The following SLC4A10 variants were observed in gnomAD, a reference collection of about 807,000 sequenced individuals.
The protein encoded by SLC4A10 is sodium-driven chloride bicarbonate exchanger.
Under a neutral mutation model 137.7 loss-of-function variants are expected in SLC4A10, and 42 were observed. The ratio of observed to expected loss-of-function variants is 0.30; its 90% CI spans 0.24 to 0.39. SLC4A10 has a LOEUF of 0.39. Among genes scored for constraint, SLC4A10 ranks in the 10% least tolerant of loss-of-function variants. The pLI, the probability that SLC4A10 is intolerant of heterozygous loss-of-function variation, is 1.00. For synonymous variants in SLC4A10, 474 were observed against 464.1 expected, an observed-to-expected ratio of 1.02 and a Z score of -0.27; for missense variants, 925 against 1,355.0, an observed-to-expected ratio of 0.68 and a Z score of 4.98.
chr2:161,809,056 C>T (rs1215524242), intron 3 of SLC4A10, among the ~76,000 whole-genome samples: 1 of 152,186 alleles, frequency 6.6e-6, no homozygotes, highest in South Asian at 2.1e-4. Flanking sequence ...TCCGTTTTCT[C>T]TGCAGCCTTG....
intron 21 of SLC4A10, among the ~76,000 whole-genome samples, chr2:161,963,676 A>G (rs1416371196): frequency 1.3e-5 from 2 of 152,162 alleles, no homozygotes; most frequent in African/African-American, 4.8e-5. Context: ...AGGTCCGTGA[A>G]TCATTAGCAA....
At chr2:161,628,405 A>C (rs977506082) in intron 1 of SLC4A10, among the ~76,000 whole-genome samples, 1 of 152,042 alleles carries the variant, frequency 6.6e-6, no homozygotes, top group Non-Finnish European at 1.5e-5. Context: ...ATGATATAGG[A>C]TAGATGATTG....
At chr2:161,973,094 G>A (rs1023021563) in intron 23 of SLC4A10, among the ~76,000 whole-genome samples, 1 of 152,156 alleles carries the variant, frequency 6.6e-6, no homozygotes, top group Non-Finnish European at 1.5e-5. Flanking sequence ...GGCCAGCTTA[G>A]CCCTGCTAAG....
chr2:161,766,009 T>C (rs1416612957), intron 1 of SLC4A10, among the ~76,000 whole-genome samples: 4 of 152,152 alleles, frequency 2.6e-5, no homozygotes, highest in South Asian at 2.1e-4. Flanking sequence ...TTAGTACATG[T>C]ATTAGTATTA....
At chr2:161,741,286 C>T (rs945348306) in intron 1 of SLC4A10, among the ~76,000 whole-genome samples, 20 of 148,168 alleles carry the variant, frequency 1.3e-4, no homozygotes, top group Non-Finnish European at 2.5e-4. Context: ...AGCACCTATC[C>T]ACTACAGTCC....
At chr2:161,853,014 G>A (rs1285544106) in intron 4 of SLC4A10, among the ~76,000 whole-genome samples, 1 of 152,104 alleles carries the variant, frequency 6.6e-6, no homozygotes, top group African/African-American at 2.4e-5. Flanking sequence ...TCTGCCAAGA[G>A]GTTGTTCCTT....
chr2:161,862,144 A>G (rs1024368079), intron 5 of SLC4A10, among the ~76,000 whole-genome samples: 1 of 152,238 alleles, frequency 6.6e-6, no homozygotes, highest in African/African-American at 2.4e-5. Flanking sequence ...TGTATGGTAA[A>G]TAATCTGCTT....
At chr2:161,793,852 T>G (rs1024144288) in intron 2 of SLC4A10, among the ~76,000 whole-genome samples, 1 of 152,172 alleles carries the variant, frequency 6.6e-6, no homozygotes, top group African/African-American at 2.4e-5. Flanking sequence ...TTTCTAATTT[T>G]GAGCTAAATT....
chr2:161,953,487 A>G (rs1206981344), intron 19 of SLC4A10, among the ~76,000 whole-genome samples: 2 of 152,058 alleles, frequency 1.3e-5, no homozygotes, highest in African/African-American at 4.8e-5. Context: ...GGGCACCTGT[A>G]ATCCCAGCTA....
intron 26 of SLC4A10, among the ~76,000 whole-genome samples, chr2:161,980,420 G>A (rs1044564314): frequency 6.6e-6 from 1 of 152,140 alleles, no homozygotes; most frequent in Non-Finnish European, 1.5e-5. Flanking sequence ...AGGCCGAGGC[G>A]AGCAGATCAC....
At chr2:161,807,405 C>T (rs74715808) in intron 3 of SLC4A10, among the ~76,000 whole-genome samples, 3,642 of 152,184 alleles carry the variant, frequency 0.024, 59 homozygotes, top group Middle Eastern at 0.031. Flanking sequence ...GTTCCTTGAC[C>T]ATCCCATCTC....
At chr2:161,725,675 T>G (rs1235312223) in intron 1 of SLC4A10, among the ~76,000 whole-genome samples, 2 of 152,206 alleles carry the variant, frequency 1.3e-5, no homozygotes, top group African/African-American at 4.8e-5. Flanking sequence ...TCATTTGAGA[T>G]GTCTAAAGAA....
intron 16 of SLC4A10, among the ~76,000 whole-genome samples, chr2:161,943,327 C>G (rs1189515300): frequency 6.6e-6 from 1 of 152,142 alleles, no homozygotes; most frequent in South Asian, 2.1e-4. Context: ...ATACTAAAGT[C>G]TTTGGGAGGA....
At chr2:161,867,408 A>C (rs1266445208) in intron 6 of SLC4A10, among the ~76,000 whole-genome samples, 1 of 152,026 alleles carries the variant, frequency 6.6e-6, no homozygotes, top group African/African-American at 2.4e-5. Context: ...TAGAATAATA[A>C]TTCTTGAGAT....
At chr2:161,928,294 T>G (rs1311789974) in intron 15 of SLC4A10, among the ~76,000 whole-genome samples, 1 of 146,176 alleles carries the variant, frequency 6.8e-6, no homozygotes, top group Non-Finnish European at 1.5e-5. Context: ...ACACGGCATA[T>G]TCTCACTCAT....
chr2:161,905,695 C>G lies in SLC4A10; in HGVS notation c.1805C>G (p.Ala602Gly). The G allele has an allele frequency of 6.2e-7, 1 of 1,613,880 alleles. No homozygotes were observed. The highest frequency in any genetic ancestry group is 8.5e-7 in the Non-Finnish European group (1 of 1,179,850). Residue 602 changes from alanine (A) to glycine (G), a missense_variant, in exon 15 of 27, where the codon GCA (alanine) becomes GGA (glycine). By Grantham distance (60) the Ala-to-Gly change is moderately conservative (BLOSUM62 0). Around this residue, in one of 11 missense-constraint regions of SLC4A10, gnomAD observed 61 missense variants for 168.0 expected, o/e 0.36. Coordinates refer to ENST00000446997, the MANE Select transcript of SLC4A10 (RefSeq NM_001178015.2). ...SLRASIGLWT[A>G]TLCIILVATD... The stretch of plus-strand genomic sequence containing the variant: ...AGAGCTAGCATTGGACTTTGGACTG[C>G]AACTCTATGTATCATACTTGTGGCC...
chr2:161,948,302 T>C (rs1694191082), intron 17 of SLC4A10, among the ~76,000 whole-genome samples: 1 of 152,096 alleles, frequency 6.6e-6, no homozygotes, highest in African/African-American at 2.4e-5. Flanking sequence ...GGAAACAAGC[T>C]TCTGAGGGAT....
At chr2:161,808,167 G>A (rs889553388) in intron 3 of SLC4A10, among the ~76,000 whole-genome samples, 2 of 151,916 alleles carry the variant, frequency 1.3e-5, no homozygotes, top group African/African-American at 4.8e-5. Flanking sequence ...TCTTTAAAAT[G>A]CTTAAACATG....
intron 1 of SLC4A10, among the ~76,000 whole-genome samples, chr2:161,656,186 C>T (rs758602863): frequency 6.6e-6 from 1 of 152,048 alleles, no homozygotes; most frequent in Non-Finnish European, 1.5e-5. Context: ...ATTCACAAAT[C>T]AATAAACGTG....
Sources: gnomAD v4.1 joint callset for allele counts (sites outside exome capture counted in the v4.1 genomes callset) on GRCh38, gnomAD v4.1.1 for gene constraint, gnomAD v4.1.1 regional missense constraint, MANE v1.5 for transcripts, NCBI Gene and HGNC (gene_info 2026-07-23, HGNC 2026-07-21) for gene names.